COL5A1: variants seen among roughly 807,000 people sequenced by gnomAD.
COL5A1 encodes the protein collagen type V alpha 1 chain.
COL5A1 carries 16 observed loss-of-function variants against 263.7 expected under a neutral mutation model. That is an observed-to-expected ratio of 0.06 (90% confidence interval 0.04 to 0.09). COL5A1 has a LOEUF of 0.09. Among genes scored for constraint, COL5A1 ranks in the 10% least tolerant of loss-of-function variants. The probability of loss-of-function intolerance (pLI) is 1.00; values close to 1 mark genes in which losing one functional copy is unlikely to be tolerated. For synonymous variants in COL5A1, 1,012 were observed against 1,004.5 expected (o/e 1.01, Z -0.14); for missense variants, 2,036 against 2,540.5 (o/e 0.80, Z 4.27).
chr9:134,835,786 G>A (rs1839832232), intron 65 of COL5A1, among the ~76,000 whole-genome samples: 1 of 152,324 alleles, frequency 6.6e-6, no homozygotes, highest in Non-Finnish European at 1.5e-5. Context: ...TCATACCCAT[G>A]GGCCTTCCCA....
intron 25 of COL5A1, among the ~76,000 whole-genome samples, chr9:134,768,753 C>T (rs187910620): frequency 5.1e-4 from 77 of 152,304 alleles, no homozygotes; most frequent in Non-Finnish European, 8.2e-4. Context: ...CGTGCTGAGC[C>T]GTGAGGAGGG....
intron 9 of COL5A1, among the ~76,000 whole-genome samples, chr9:134,734,262 G>A (rs188946212): frequency 6.7e-6 from 1 of 150,350 alleles, no homozygotes; most frequent in East Asian, 1.9e-4. Context: ...ACCTTTGTTG[G>A]GAAAAGCAGC....
At chr9:134,830,274 C>T (rs1839552812) in intron 64 of COL5A1, 2 of 1,290,816 alleles carry the variant, frequency 1.5e-6, no homozygotes, top group Admixed American at 2.0e-5. Context: ...ATGTGTGCCA[C>T]ACCGCTCTTG....
intron 13 of COL5A1, 47 bp downstream of exon 13, chr9:134,750,929 C>A: frequency 1.3e-6 from 2 of 1,511,104 alleles, no homozygotes; most frequent in Non-Finnish European, 1.8e-6. Context: ...CAGAGCCCAG[C>A]CCCAGGGGCC....
intron 50 of COL5A1, 44 bp downstream of exon 50, chr9:134,814,948 G>T (rs1463210874): frequency 7.2e-7 from 1 of 1,386,002 alleles, no homozygotes. Flanking sequence ...AGCAGGGGCG[G>T]GGCTCTGCAC....
In COL5A1 at chr9:134,731,583, G is replaced by A. The variant is rs767752804; in HGVS notation, c.1252G>A (p.Asp418Asn). Residue 418 changes from aspartate to asparagine, a missense_variant, in exon 8 of 66, where the codon GAC becomes AAC. Transcript: ENST00000371817. The stretch of plus-strand genomic sequence containing the variant: ...CCGGAACCTTGACGAGAACTACTAC[G>A]ACCCCTACTACGACCCCACCAGCTC... ...TIRNLDENYY[D>N]PYYDPTSSPS... The A allele has an allele frequency of 5.0e-6, 8 of 1,614,056 alleles. No individual in the cohort carries two copies. The highest frequency in any genetic ancestry group is 4.5e-5 in the East Asian group (2 of 44,858).
chr9:134,661,545 G>A (rs570475510), intron 1 of COL5A1, among the ~76,000 whole-genome samples: 14 of 151,988 alleles, frequency 9.2e-5, no homozygotes, highest in African/African-American at 3.4e-4. Context: ...GTGAGGACGT[G>A]CCCAGTTGAC....
intron 63 of COL5A1, 72 bp from the exon 64 acceptor site, chr9:134,829,904 T>A: frequency 6.6e-7 from 1 of 1,520,736 alleles, no homozygotes; most frequent in East Asian, 2.4e-5. Flanking sequence ...CCTGGGGCCT[T>A]GCTCTGGAGG....
intron 9 of COL5A1, among the ~76,000 whole-genome samples, chr9:134,737,584 C>T (rs555975423): frequency 2.6e-5 from 4 of 152,322 alleles, no homozygotes; most frequent in Admixed American, 1.3e-4. Context: ...TCATGGAACA[C>T]GGAGGACTCT....
intron 32 of COL5A1, among the ~76,000 whole-genome samples, chr9:134,790,470 C>T (rs1472397831): frequency 1.2e-4 from 13 of 107,230 alleles, no homozygotes; most frequent in Non-Finnish European, 5.7e-5. Context: ...ATCCAGCCAC[C>T]CACCCACCCA....
intron 4 of COL5A1, among the ~76,000 whole-genome samples, chr9:134,708,258 C>T (rs887973648): frequency 4.5e-4 from 69 of 152,252 alleles, no homozygotes; most frequent in African/African-American, 1.6e-3. Context: ...CCTGCTATGT[C>T]GTCTCTGTGC....
At chr9:134,807,490 G>A (rs764742067) in intron 42 of COL5A1, among the ~76,000 whole-genome samples, 5 of 152,106 alleles carry the variant, frequency 3.3e-5, no homozygotes, top group Admixed American at 2.6e-4. Context: ...ATGGGGTTTC[G>A]CCATGTTGGC....
chr9:134,758,856 C>T lies in COL5A1; in HGVS notation c.1935+560C>T, dbSNP rs1041058774. On this transcript the variant is annotated intron_variant, in intron 18 of 65. Coordinates refer to ENST00000371817, the MANE Select transcript of COL5A1 (RefSeq NM_000093.5). The surrounding 1 kb of genome is among the most constrained non-coding windows in gnomAD (Gnocchi z 4.1). ...GACCTGGGGGTCTTCCTGGCTGCGC[C>T]GTTTCTATGTGGTTGTTGGAGAACA... Among the ~76,000 whole-genome samples, 2 of 152,138 alleles carry T rather than the reference C, an allele frequency of 1.3e-5. No individual in the cohort carries two copies. The highest frequency in any genetic ancestry group is 4.1e-4 in the South Asian group (2 of 4,834).
intron 49 of COL5A1, 48 bp from the exon 50 acceptor site, chr9:134,814,749 G>A (rs371179116): frequency 2.0e-4 from 285 of 1,417,000 alleles, no homozygotes; most frequent in Middle Eastern, 5.2e-4. Context: ...TGCTCTGGGC[G>A]GCGACGTGGT....
chr9:134,811,737 C>T, intron 46 of COL5A1, 138 bp downstream of exon 46: 1 of 744,808 alleles, frequency 1.3e-6, no homozygotes, highest in Non-Finnish European at 2.3e-6. Context: ...CCTCCTCATT[C>T]CAACTGGAAG....
intron 11 of COL5A1, among the ~76,000 whole-genome samples, chr9:134,746,197 C>T (rs1835506714): frequency 6.6e-6 from 1 of 152,206 alleles, no homozygotes; most frequent in Admixed American, 6.5e-5. Flanking sequence ...GAGAGCTTCT[C>T]CCAGCCACTC....
intron 4 of COL5A1, among the ~76,000 whole-genome samples, chr9:134,720,141 A>G (rs1218775020): frequency 6.6e-6 from 1 of 152,204 alleles, no homozygotes; most frequent in Admixed American, 6.5e-5. Context: ...ATTCTGACCT[A>G]CAGCCGGCCT....
rs1451254043 is a variant in COL5A1, at chr9:134,842,084, T to TG, written c.5371-67dup. ...CTGGGTTTTGGAGCCAGACAGATTGTGGGGGGTGATTGGTAAACCCCAAGA... is the reference window on the plus strand; with the variant it reads ...CTGGGTTTTGGAGCCAGACAGATTGTGGGGGGGTGATTGGTAAACCCCAAGA... On this transcript the variant is annotated intron_variant, in intron 65 of 65. Coordinates refer to ENST00000371817, the MANE Select transcript of COL5A1 (RefSeq NM_000093.5). This position sits in a 1 kb window ranked among gnomAD's most constrained non-coding sequence, Gnocchi z 5.8. The TG allele has an allele frequency of 3.3e-5, 51 of 1,568,420 alleles. No homozygotes were observed. The highest frequency in any genetic ancestry group is 1.7e-4 in the Middle Eastern group (1 of 6,006).
chr9:134,818,835 C>A lies in COL5A1; in HGVS notation c.4339-13C>A. 1 of 1,613,248 alleles carries A rather than the reference C, an allele frequency of 6.2e-7. No homozygotes were observed. Among genetic ancestry groups the A allele is most frequent in the Non-Finnish European group, 8.5e-7 (1 of 1,179,938 alleles). ...GGGACCAGCAACTCATGCAGAGCGT[C>A]TCTGTGTTTCAGGGAGAACAAGGTC... On this transcript the variant is annotated splice_polypyrimidine_tract_variant and intron_variant, in intron 55 of 65. Transcript: ENST00000371817. The surrounding 1 kb of genome is among the most constrained non-coding windows in gnomAD (Gnocchi z 6.0).
Sources: allele counts gnomAD v4.1 joint callset (sites outside exome capture counted in the v4.1 genomes callset), GRCh38; gene constraint gnomAD v4.1.1; non-coding constraint Gnocchi (gnomAD v3.1); transcripts MANE v1.5; gene names NCBI Gene and HGNC (gene_info 2026-07-23, HGNC 2026-07-21).